The following GALNT7 variants were observed in gnomAD, a reference collection of about 807,000 sequenced individuals.
GALNT7 encodes N-acetylgalactosaminyltransferase 7.
GALNT7 carries 60 observed loss-of-function variants against 82.1 expected under a neutral mutation model. That is an observed-to-expected ratio of 0.73 (90% confidence interval 0.59 to 0.91). The LOEUF (loss-of-function observed/expected upper bound fraction) is 0.91. Among genes scored for constraint, GALNT7 ranks in the 40% least tolerant of loss-of-function variants. GALNT7 has a pLI of 0.00. For missense variants in GALNT7, 660 were observed against 804.2 expected, an observed-to-expected ratio of 0.82 and a Z score of 2.17; for synonymous variants, 243 against 275.1, an observed-to-expected ratio of 0.88 and a Z score of 1.15.
At chr4:173,210,579 A>G (rs1266254542) in intron 1 of GALNT7, among the ~76,000 whole-genome samples, 1 of 151,754 alleles carries the variant, frequency 6.6e-6, no homozygotes, top group African/African-American at 2.4e-5. Context: ...TCGGCCTCCC[A>G]AGCAGCTGGG....
At chr4:173,287,674 T>C (rs966788475) in intron 2 of GALNT7, among the ~76,000 whole-genome samples, 1 of 152,236 alleles carries the variant, frequency 6.6e-6, no homozygotes, top group African/African-American at 2.4e-5. Flanking sequence ...CCTTCATTTA[T>C]GGTCCTGGAG....
chr4:173,307,783 A>G (rs1242086619), intron 8 of GALNT7, among the ~76,000 whole-genome samples: 1 of 152,212 alleles, frequency 6.6e-6, no homozygotes, highest in Non-Finnish European at 1.5e-5. Context: ...CAATGTGGAC[A>G]CTAGCAGAAC....
At chr4:173,318,340 T>C in intron 10 of GALNT7, 91 bp from the exon 11 acceptor site, 2 of 932,452 alleles carry the variant, frequency 2.1e-6, no homozygotes, top group South Asian at 1.6e-5. Flanking sequence ...AGTCATTCAA[T>C]TTAATTATAG....
chr4:173,295,454 A>G lies in GALNT7; in HGVS notation c.813A>G (p.Val271=), dbSNP rs375260717. ...YIKLWNGLVK[V]FRNERREGLI... ...AGCTGTGGAATGGCCTAGTGAAGGT[A>G]TTTCGAAATGAAAGAAGGGAAGGTT... The change falls in exon 4 of 12, where the codon GTA becomes GTG. Residue 271 remains valine, a synonymous_variant. Coordinates refer to ENST00000265000, the MANE Select transcript of GALNT7 (RefSeq NM_017423.3). 1 of 1,609,396 alleles carries G rather than the reference A, an allele frequency of 6.2e-7. No homozygotes were observed. The highest frequency in any genetic ancestry group is 1.3e-5 in the African/African-American group (1 of 74,842).
At position 173,295,399 on chromosome 4, in the gene GALNT7, A is replaced by C; in HGVS notation, c.758A>C (p.His253Pro). The change falls in exon 4 of 12, where the codon CAC (histidine) becomes CCC (proline). Residue 253 changes from histidine to proline, a missense_variant. Around this residue, in one of 2 missense-constraint regions of GALNT7, gnomAD observed 527 missense variants for 683.5 expected, o/e 0.77. Transcript: ENST00000265000. The stretch of plus-strand genomic sequence containing the variant: ...ATCGATTGATTTTTCTTAACAGAAC[A>C]CTTAAAAGAAAAACTGGATGAATAT... ...VLIDDFSNKE[H>P]LKEKLDEYIK... is the part of the protein sequence containing the mutation. 1 of 1,570,634 alleles carries C rather than the reference A, an allele frequency of 6.4e-7. No homozygotes were observed. Among genetic ancestry groups the C allele is most frequent in the Non-Finnish European group, 8.8e-7 (1 of 1,141,752 alleles).
intron 1 of GALNT7, among the ~76,000 whole-genome samples, chr4:173,201,486 G>T (rs1022838940): frequency 6.6e-6 from 1 of 152,180 alleles, no homozygotes. Flanking sequence ...TGCTTTGAAA[G>T]GGTTCACAGC....
In GALNT7 at chr4:173,183,540, AT is replaced by A. The variant is rs538412801; in HGVS notation, c.126+14580del. 2.2e-3 allele frequency among the ~76,000 whole-genome samples: 337 copies of A among 152,014 alleles called. 2 individuals are homozygous for A. The highest frequency in any genetic ancestry group is 3.8e-3 in the Non-Finnish European group (260 of 67,982). On this transcript the variant is annotated intron_variant, in intron 1 of 11. Coordinates refer to ENST00000265000, the MANE Select transcript of GALNT7 (RefSeq NM_017423.3). ...AGTACAGAACAAAATGGAGTCTCCT[AT>A]GTCTACTTCTTTCTACACAGACACA...
At chr4:173,310,063 A>G (rs895121532) in intron 8 of GALNT7, among the ~76,000 whole-genome samples, 1 of 152,226 alleles carries the variant, frequency 6.6e-6, no homozygotes, top group Non-Finnish European at 1.5e-5. Flanking sequence ...AGCATGTGCC[A>G]GGCACTTTCT....
In GALNT7 at chr4:173,168,849, T is replaced by C. The variant is rs772895570; in HGVS notation, c.14T>C (p.Ile5Thr). The stretch of plus-strand genomic sequence containing the variant: ...CGCCGGAGGAAGATGAGGCTGAAGA[T>C]TGGGTTCATCTTACGCAGTTTGCTG... The part of the protein sequence containing the change: MRLK[I>T]GFILRSLLVV... The change falls in exon 1 of 12, where the codon ATT (isoleucine) becomes ACT (threonine). Residue 5 changes from isoleucine (I) to threonine (T), a missense_variant. By Grantham distance (89) the Ile-to-Thr change is moderately conservative (BLOSUM62 -1). This residue lies in a region of GALNT7 where 133 missense variants were observed against 120.7 expected (regional missense o/e 1.10). Transcript: ENST00000265000. 1.6e-5 allele frequency: 25 copies of C among 1,611,290 alleles called. No homozygotes were observed. Among genetic ancestry groups the C allele is most frequent in the African/African-American group, 4.0e-5 (3 of 74,726 alleles).
rs1219557689 is a variant in GALNT7, at chr4:173,248,250, G to A, written c.397G>A (p.Gly133Ser). The change falls in exon 2 of 12, where the codon GGT becomes AGT. Residue 133 changes from glycine to serine, a missense_variant. Around this residue, in one of 2 missense-constraint regions of GALNT7, gnomAD observed 527 missense variants for 683.5 expected, o/e 0.77. Coordinates refer to ENST00000265000, the MANE Select transcript of GALNT7 (RefSeq NM_017423.3). ...TCCTGTGCTTCGCCCAGGGATCCTC[G>A]GTAACTTTGAACCCAAAGAACCTGA... ...HDPVLRPGIL[G>S]NFEPKEPEPP... The A allele has an allele frequency of 1.4e-5, 22 of 1,613,806 alleles. No homozygotes were observed. The highest frequency in any genetic ancestry group is 2.7e-5 in the African/African-American group (2 of 74,896).
chr4:173,226,665 T>C (rs1307419816), intron 1 of GALNT7, among the ~76,000 whole-genome samples: 2 of 152,202 alleles, frequency 1.3e-5, no homozygotes, highest in Non-Finnish European at 2.9e-5. Flanking sequence ...TGTGTGAACT[T>C]GGAGGCAGAA....
At chr4:173,256,068 C>T (rs567082004) in intron 2 of GALNT7, among the ~76,000 whole-genome samples, 2 of 152,292 alleles carry the variant, frequency 1.3e-5, no homozygotes, top group South Asian at 2.1e-4. Flanking sequence ...AGGTTTCTCA[C>T]AGCTAAAGAG....
chr4:173,299,082 T>C (rs1426157019), intron 6 of GALNT7, among the ~76,000 whole-genome samples: 1 of 152,214 alleles, frequency 6.6e-6, no homozygotes, highest in African/African-American at 2.4e-5. Context: ...TGTCTAATCT[T>C]ATTTTTCTGA....
At chr4:173,233,705 A>T (rs192323061) in intron 1 of GALNT7, among the ~76,000 whole-genome samples, 1 of 152,204 alleles carries the variant, frequency 6.6e-6, no homozygotes, top group Non-Finnish European at 1.5e-5. Context: ...GCCAGTCCCC[A>T]TGACTGCTTT....
intron 2 of GALNT7, among the ~76,000 whole-genome samples, chr4:173,266,537 G>C: frequency 6.6e-6 from 1 of 152,228 alleles, no homozygotes; most frequent in Non-Finnish European, 1.5e-5. Context: ...ACATTTTATA[G>C]TAATAAAAAT....
In GALNT7 at chr4:173,307,056, T is replaced by C. The variant is rs147052011; in HGVS notation, c.1389+2938T>C. On this transcript the variant is annotated intron_variant, in intron 8 of 11. Coordinates refer to ENST00000265000, the MANE Select transcript of GALNT7 (RefSeq NM_017423.3). ...GCAGATCAGCCCACCAAGGTCAGTG[T>C]TGGCAAAGATTCTAGTGCTCCTCAG... 3.0e-3 allele frequency among the ~76,000 whole-genome samples: 462 copies of C among 152,354 alleles called. 3 individuals are homozygous for C. The highest frequency in any genetic ancestry group is 0.01 in the African/African-American group (433 of 41,578).
chr4:173,236,692 C>T (rs1276157881), intron 1 of GALNT7, among the ~76,000 whole-genome samples: 1 of 152,180 alleles, frequency 6.6e-6, no homozygotes, highest in Non-Finnish European at 1.5e-5. Context: ...ACATCCCCAC[C>T]GCCTATGTAC....
Position 173,321,769 on chromosome 4 carries a change from G to C in GALNT7, c.*52G>C. 2 of 1,333,136 alleles carry C rather than the reference G, an allele frequency of 1.5e-6. No individual in the cohort carries two copies. Among genetic ancestry groups the C allele is most frequent in the Non-Finnish European group, 2.1e-6 (2 of 934,372 alleles). 82.6% of individuals were successfully genotyped at this position (1,333,136 alleles called of 1,614,324 possible). ...CCTACTGACAAGTAAATTTATACAG[G>C]ACTGAAAACCGCCTGAAACCTGCTG... On this transcript the variant is annotated 3_prime_UTR_variant, in exon 12 of 12. Coordinates refer to ENST00000265000, the MANE Select transcript of GALNT7 (RefSeq NM_017423.3).
intron 1 of GALNT7, among the ~76,000 whole-genome samples, chr4:173,222,446 A>G (rs1733677540): frequency 6.6e-6 from 1 of 152,010 alleles, no homozygotes; most frequent in South Asian, 2.1e-4. Flanking sequence ...TAATTGTTGT[A>G]TTTTTAGTAG....
Sources: allele counts gnomAD v4.1 joint callset (sites outside exome capture counted in the v4.1 genomes callset), GRCh38; gene constraint gnomAD v4.1.1; regional missense constraint gnomAD v4.1.1; transcripts MANE v1.5; gene names NCBI Gene and HGNC (gene_info 2026-07-23, HGNC 2026-07-21).